The following NBAS variants were observed in gnomAD, a reference collection of about 807,000 sequenced individuals.
The protein encoded by NBAS is NBAS subunit of NRZ tethering complex.
NBAS carries 219 observed loss-of-function variants against 302.5 expected under a neutral mutation model. That is an observed-to-expected ratio of 0.72 (90% confidence interval 0.65 to 0.81). NBAS has a LOEUF of 0.81. Ranked by LOEUF, NBAS falls within the 30% of genes least tolerant of loss-of-function variation. NBAS has a pLI of 0.00. For synonymous variants in NBAS, 1,118 were observed against 1,021.6 expected, an observed-to-expected ratio of 1.09 and a Z score of -1.80; for missense variants, 2,932 against 2,841.6, an observed-to-expected ratio of 1.03 and a Z score of -0.72.
At chr2:15,426,126 A>G (rs189655391) in intron 22 of NBAS, among the ~76,000 whole-genome samples, 1 of 152,348 alleles carries the variant, frequency 6.6e-6, no homozygotes, top group African/African-American at 2.4e-5. Context: ...GTTTAACTTC[A>G]TATCTGACTA....
At chr2:15,025,096 A>G in the NBAS span, among the ~76,000 whole-genome samples, 117,245 of 152,140 alleles carry the variant, frequency 0.77, 45,444 homozygotes, top group East Asian at 1. Context: ...ATAGTTTTAG[A>G]TTTTGCATTT....
chr2:15,047,956 G>T, the NBAS span, among the ~76,000 whole-genome samples: 1 of 152,256 alleles, frequency 6.6e-6, no homozygotes, highest in South Asian at 2.1e-4. Context: ...GGTTGCTTTG[G>T]CTGGTGCCTG....
chr2:15,413,717 T>C (rs1676791241), intron 25 of NBAS, among the ~76,000 whole-genome samples: 1 of 152,092 alleles, frequency 6.6e-6, no homozygotes, highest in African/African-American at 2.4e-5. Flanking sequence ...GAATCCAACA[T>C]TTACCTGTCA....
chr2:15,148,574 CA>C, the NBAS span, among the ~76,000 whole-genome samples: 1 of 151,964 alleles, frequency 6.6e-6, no homozygotes, highest in Non-Finnish European at 1.5e-5. Context: ...GCCGCCCTAA[CA>C]AAACAAAAAC....
At chr2:14,784,369 G>A in the NBAS span, among the ~76,000 whole-genome samples, 2 of 152,172 alleles carry the variant, frequency 1.3e-5, no homozygotes, top group African/African-American at 2.4e-5. Flanking sequence ...TGCTTTTGGT[G>A]TTTTAGACAT....
the NBAS span, among the ~76,000 whole-genome samples, chr2:14,976,798 T>A: frequency 6.6e-6 from 1 of 152,086 alleles, no homozygotes; most frequent in South Asian, 2.1e-4. Context: ...ATGAAGGCAG[T>A]GATTGAAGTT....
chr2:15,470,687 C>T (rs549221624), intron 16 of NBAS, among the ~76,000 whole-genome samples: 5 of 152,278 alleles, frequency 3.3e-5, no homozygotes, highest in African/African-American at 1.2e-4. Flanking sequence ...TAAAATCTTC[C>T]ATCTCTACCA....
At chr2:15,160,949 T>C in the NBAS span, among the ~76,000 whole-genome samples, 3 of 152,134 alleles carry the variant, frequency 2.0e-5, no homozygotes, top group African/African-American at 7.2e-5. Flanking sequence ...CCTGGATACA[T>C]GGGGTGGATT....
chr2:15,068,152 C>CT, the NBAS span, among the ~76,000 whole-genome samples: 3 of 152,312 alleles, frequency 2.0e-5, no homozygotes, highest in South Asian at 4.1e-4. Flanking sequence ...TTGCCACTTA[C>CT]TGGCTGTATA....
rs556236342 is a variant in NBAS at position 15,474,691 on chromosome 2, G to C, written c.1342-367C>G. Among the ~76,000 whole-genome samples the C allele has an allele frequency of 2.6e-5, 4 of 152,174 alleles. No individual in the cohort carries two copies. The East Asian group carries it at 7.8e-4, about 30-fold the overall frequency. On this transcript the variant is annotated intron_variant, in intron 14 of 51. Coordinates refer to ENST00000281513, the MANE Select transcript of NBAS (RefSeq NM_015909.4). ...TTCTCCTGCCTCAGCCTCCCGAGTA[G>C]CTGGGATTACAGGCACCCGCCACCA...
intron 48 of NBAS, 124 bp from the exon 49 acceptor site, chr2:15,190,527 A>G: frequency 4.2e-6 from 5 of 1,184,010 alleles, no homozygotes; most frequent in Non-Finnish European, 4.7e-6. Flanking sequence ...AAGATTCAAC[A>G]TCAGAAAAAC....
intron 9 of NBAS, among the ~76,000 whole-genome samples, chr2:15,513,140 C>T (rs1200170476): frequency 6.6e-6 from 1 of 152,218 alleles, no homozygotes; most frequent in Non-Finnish European, 1.5e-5. Context: ...AATTCAAATG[C>T]ACTTTCTTCA....
At chr2:15,223,770 A>G (rs578085769) in intron 47 of NBAS, among the ~76,000 whole-genome samples, 5 of 152,046 alleles carry the variant, frequency 3.3e-5, no homozygotes, top group African/African-American at 9.6e-5. Context: ...CAGAGGTTGC[A>G]AAGAGCCGAG....
chr2:15,352,175 AAAG>A, intron 34 of NBAS, 94 bp from the exon 35 acceptor site: 1 of 843,570 alleles, frequency 1.2e-6, no homozygotes, highest in Non-Finnish European at 1.9e-6. Flanking sequence ...GTACTTTTAA[AAAG>A]AAAATTACCT....
the NBAS span, among the ~76,000 whole-genome samples, chr2:15,041,705 T>C: frequency 6.6e-6 from 1 of 152,216 alleles, no homozygotes; most frequent in Non-Finnish European, 1.5e-5. Context: ...ACTGAACAAG[T>C]GAAGAAATCT....
chr2:15,233,899 C>T lies in NBAS; in HGVS notation c.6146+646G>A, dbSNP rs138320796. ...TAAAAGGAGAATAAATTAAACATAA[C>T]TAAATCTTTTAGCCTAATTGTATTA... On this transcript the variant is annotated intron_variant, in intron 46 of 51. Coordinates refer to ENST00000281513, the MANE Select transcript of NBAS (RefSeq NM_015909.4). Among the ~76,000 whole-genome samples the T allele has an allele frequency of 1.8e-3, 272 of 152,248 alleles. 2 individuals carry two copies. Among genetic ancestry groups the T allele is most frequent in the African/African-American group, 6.2e-3 (258 of 41,556 alleles).
At chr2:14,895,082 C>A in the NBAS span, among the ~76,000 whole-genome samples, 1 of 151,848 alleles carries the variant, frequency 6.6e-6, no homozygotes, top group Non-Finnish European at 1.5e-5. Flanking sequence ...GGCATAATAA[C>A]CATATTATTT....
At chr2:14,779,066 G>A in the NBAS span, among the ~76,000 whole-genome samples, 5 of 152,156 alleles carry the variant, frequency 3.3e-5, no homozygotes, top group Non-Finnish European at 7.3e-5. Flanking sequence ...TCTTTGATTT[G>A]GAGTCCAAAA....
chr2:15,528,502 A>G (rs1377605566), intron 9 of NBAS, among the ~76,000 whole-genome samples: 1 of 93,224 alleles, frequency 1.1e-5, no homozygotes, highest in Non-Finnish European at 2.5e-5. Context: ...ATGTATATAT[A>G]TACATATATA....
Sources: gnomAD v4.1 joint callset for allele counts (sites outside exome capture counted in the v4.1 genomes callset) on GRCh38, gnomAD v4.1.1 for gene constraint, MANE v1.5 for transcripts, NCBI Gene and HGNC (gene_info 2026-07-23, HGNC 2026-07-21) for gene names.